HPSE2: variants seen among roughly 807,000 people sequenced by gnomAD.
The protein encoded by HPSE2 is heparanase 2 (inactive), also known as inactive heparanase-2.
Under a neutral mutation model 60.5 loss-of-function variants are expected in HPSE2, and 38 were observed. The observed-to-expected ratio is 0.63, with a 90% CI of 0.48 to 0.82. The LOEUF is 0.82. Among genes scored for constraint, HPSE2 ranks in the 40% least tolerant of loss-of-function variants. HPSE2 has a pLI of 0.00. For missense variants in HPSE2, 713 were observed against 740.4 expected (o/e 0.96, Z 0.43); for synonymous variants, 295 against 293.2 (o/e 1.01, Z -0.06).
intron 3 of HPSE2, among the ~76,000 whole-genome samples, chr10:98,805,832 G>A (rs1589856589): frequency 1.3e-5 from 2 of 152,052 alleles, no homozygotes. Context: ...TTTCTTCCAA[G>A]TATAGTGTAA....
At chr10:98,856,931 C>A (rs1010385102) in intron 3 of HPSE2, among the ~76,000 whole-genome samples, 1 of 152,174 alleles carries the variant, frequency 6.6e-6, no homozygotes, top group Admixed American at 6.5e-5. Flanking sequence ...CTGGCCAACA[C>A]TCAGTGACCC....
intron 3 of HPSE2, among the ~76,000 whole-genome samples, chr10:98,801,242 G>A (rs1170817464): frequency 5.3e-5 from 8 of 152,004 alleles, no homozygotes; most frequent in Non-Finnish European, 7.4e-5. Context: ...ACAGACCCAC[G>A]GCTAGTATCA....
intron 5 of HPSE2, among the ~76,000 whole-genome samples, chr10:98,713,633 C>T (rs1387651692): frequency 6.6e-6 from 1 of 151,962 alleles, no homozygotes; most frequent in Non-Finnish European, 1.5e-5. Flanking sequence ...CGAATGTAAA[C>T]TAATATATTA....
At chr10:99,105,738 G>T (rs1285584681) in intron 3 of HPSE2, among the ~76,000 whole-genome samples, 1 of 151,800 alleles carries the variant, frequency 6.6e-6, no homozygotes, top group Non-Finnish European at 1.5e-5. Context: ...TTTTATTGTA[G>T]AAGATTTATA....
intron 3 of HPSE2, among the ~76,000 whole-genome samples, chr10:98,763,160 T>G (rs185839552): frequency 6.6e-6 from 1 of 150,946 alleles, no homozygotes; most frequent in Non-Finnish European, 1.5e-5. Flanking sequence ...TAAAGACAGA[T>G]TTTTTTTTAA....
chr10:98,832,412 G>A (rs1009965798), intron 3 of HPSE2, among the ~76,000 whole-genome samples: 4 of 152,098 alleles, frequency 2.6e-5, no homozygotes, highest in East Asian at 1.9e-4. Flanking sequence ...GGTTTCAATC[G>A]TCAAATAGTA....
intron 3 of HPSE2, among the ~76,000 whole-genome samples, chr10:98,960,542 T>A (rs1955626995): frequency 6.6e-6 from 1 of 151,934 alleles, no homozygotes; most frequent in Admixed American, 6.6e-5. Context: ...TGGGAGATAC[T>A]AATTATTATA....
intron 2 of HPSE2, among the ~76,000 whole-genome samples, chr10:99,221,867 C>G (rs914630830): frequency 6.6e-6 from 1 of 152,060 alleles, no homozygotes; most frequent in African/African-American, 2.4e-5. Flanking sequence ...AAAACTTGAG[C>G]TAGCAGACAA....
chr10:99,046,176 C>T (rs1226337349), intron 3 of HPSE2, among the ~76,000 whole-genome samples: 1 of 152,096 alleles, frequency 6.6e-6, no homozygotes, highest in Non-Finnish European at 1.5e-5. Flanking sequence ...GCTGGTTCAA[C>T]ATATGCAAAT....
intron 2 of HPSE2, among the ~76,000 whole-genome samples, chr10:99,191,777 C>CTAT (rs1848230964): frequency 6.6e-6 from 1 of 152,162 alleles, no homozygotes; most frequent in Admixed American, 6.5e-5. Context: ...ACCAAAAGAA[C>CTAT]TAAATAGGCC....
At chr10:98,608,250 G>C (rs1258888681) in intron 9 of HPSE2, among the ~76,000 whole-genome samples, 1 of 152,172 alleles carries the variant, frequency 6.6e-6, no homozygotes, top group Non-Finnish European at 1.5e-5. Flanking sequence ...CCATTTCACA[G>C]AGGAAGAAAT....
In HPSE2 at chr10:98,721,840, GC is replaced by G; in HGVS notation, c.785-13del. On this transcript the variant is annotated splice_polypyrimidine_tract_variant and intron_variant, in intron 4 of 11. Transcript: ENST00000370552. ...ATAGTTATTTGGCTCTAGATTAAAA[GC>G]AGACATGTAAGTCAGAATGAGAAGT... 1 of 1,612,038 alleles carries G rather than the reference GC, an allele frequency of 6.2e-7. No homozygotes were observed. Among genetic ancestry groups the G allele is most frequent in the South Asian group, 1.1e-5 (1 of 91,006 alleles).
intron 3 of HPSE2, among the ~76,000 whole-genome samples, chr10:98,793,044 A>G (rs899444923): frequency 1.3e-5 from 2 of 152,226 alleles, no homozygotes; most frequent in Non-Finnish European, 2.9e-5. Flanking sequence ...CCTCAGGCCA[A>G]TGGGTTGTTC....
Position 98,677,273 on chromosome 10 carries a change from G to C in HPSE2, c.1004+16627C>G, listed in dbSNP as rs951703162. 2.6e-5 allele frequency among the ~76,000 whole-genome samples: 4 copies of C among 152,144 alleles called. No homozygotes were observed. The East Asian group carries it at 7.7e-4, about 29-fold the overall frequency. On this transcript the variant is annotated intron_variant, in intron 6 of 11. Transcript: ENST00000370552. ...GGTGCTCAGTAACTATCTTTTGAAT[G>C]AATTAATAAATAAAATGTAACAGGG...
At chr10:98,782,990 G>T in intron 3 of HPSE2, among the ~76,000 whole-genome samples, 1 of 108,536 alleles carries the variant, frequency 9.2e-6, no homozygotes, top group African/African-American at 3.8e-5. Flanking sequence ...TGCACATTGT[G>T]CAGGTTAGTT....
chr10:98,940,989 A>C (rs1435017066), intron 3 of HPSE2, among the ~76,000 whole-genome samples: 1 of 129,144 alleles, frequency 7.7e-6, no homozygotes, highest in Non-Finnish European at 1.6e-5. Context: ...AAACCACATG[A>C]TTATCTCAAT....
chr10:99,010,310 C>A (rs920305714), intron 3 of HPSE2, among the ~76,000 whole-genome samples: 1 of 152,058 alleles, frequency 6.6e-6, no homozygotes, highest in Non-Finnish European at 1.5e-5. Context: ...GGAAAAATGA[C>A]CATGAAATCA....
At chr10:99,192,259 A>G (rs796719596) in intron 2 of HPSE2, among the ~76,000 whole-genome samples, 1 of 152,194 alleles carries the variant, frequency 6.6e-6, no homozygotes, top group Non-Finnish European at 1.5e-5. Context: ...GTTATAGAAC[A>G]CCAAACACAT....
rs1284920775 is a variant in HPSE2, at chr10:98,937,467, C to T, written c.611-193411G>A. ...CATGGCTTGGAGGGTCCTACGCCCA[C>T]GGAGTCTCGCTGATTGCTAGCACAG... On this transcript the variant is annotated intron_variant, in intron 3 of 11. Transcript: ENST00000370552. Among the ~76,000 whole-genome samples, 6 of 144,324 alleles carry T rather than the reference C, an allele frequency of 4.2e-5. 1 individual carries two copies. The East Asian group carries it at 9.8e-4, about 24-fold the overall frequency. 94.7% of individuals were successfully genotyped at this position (144,324 alleles called of 152,430 possible).
Sources: allele counts gnomAD v4.1 joint callset (sites outside exome capture counted in the v4.1 genomes callset), GRCh38; gene constraint gnomAD v4.1.1; transcripts MANE v1.5; gene names NCBI Gene and HGNC (gene_info 2026-07-23, HGNC 2026-07-21).